The following ATP6V0D1 variants were observed in gnomAD, a reference collection of about 807,000 sequenced individuals.
ATP6V0D1 encodes the protein V-type proton ATPase subunit d 1.
Under a neutral mutation model 39.0 loss-of-function variants are expected in ATP6V0D1, and 13 were observed. The ratio of observed to expected loss-of-function variants is 0.33; its 90% CI spans 0.22 to 0.53. The LOEUF is 0.53. Among genes scored for constraint, ATP6V0D1 ranks in the 20% least tolerant of loss-of-function variants. The pLI is 0.94. For missense variants in ATP6V0D1, 272 were observed against 470.9 expected, an observed-to-expected ratio of 0.58 and a Z score of 3.91; for synonymous variants, 191 against 191.2, an observed-to-expected ratio of 1.00 and a Z score of 0.01.
At chr16:67,474,828 T>A (rs2041401975) in intron 1 of ATP6V0D1, among the ~76,000 whole-genome samples, 1 of 152,186 alleles carries the variant, frequency 6.6e-6, no homozygotes, top group Non-Finnish European at 1.5e-5. Flanking sequence ...TCTTCTCACT[T>A]CTACAACGTG....
chr16:67,459,362 G>T, intron 1 of ATP6V0D1: 1 of 709,118 alleles, frequency 1.4e-6, no homozygotes, highest in Non-Finnish European at 1.7e-6. Flanking sequence ...AAGGACCATT[G>T]CCCTGGCTCC....
rs746269332 is a variant in ATP6V0D1 at position 67,438,729 on chromosome 16, C to A, written c.895-40G>T. On this transcript the variant is annotated intron_variant, in intron 7 of 7. Transcript: ENST00000290949. The stretch of plus-strand genomic sequence containing the variant: ...AGATGTGGTGTCCAGGTGGCCATGG[C>A]CACAGAGTCAGGTCTAAACCACCAG... 1.9e-6 allele frequency: 3 copies of A among 1,614,054 alleles called. No homozygotes were observed. In the African/African-American group the frequency reaches 4.0e-5, roughly 22 times the overall value.
chr16:67,455,215 C>T (rs559158437), intron 1 of ATP6V0D1: 1 of 152,360 alleles, frequency 6.6e-6, no homozygotes, highest in East Asian at 1.9e-4. Flanking sequence ...ACGGCCTCCC[C>T]AGATGTCTTT....
chr16:67,460,314 A>C (rs1335214766), intron 1 of ATP6V0D1, among the ~76,000 whole-genome samples: 1 of 150,492 alleles, frequency 6.6e-6, no homozygotes, highest in African/African-American at 2.5e-5. Context: ...GGCCCAACAA[A>C]GCGAGAGCTG....
At chr16:67,443,687 T>C (rs2041081280) in intron 3 of ATP6V0D1, among the ~76,000 whole-genome samples, 1 of 152,140 alleles carries the variant, frequency 6.6e-6, no homozygotes, top group Non-Finnish European at 1.5e-5. Flanking sequence ...CAGAGCAGGA[T>C]AGAGCACCCC....
At chr16:67,457,642 C>G (rs1382937710) in intron 1 of ATP6V0D1, 5 of 1,289,260 alleles carry the variant, frequency 3.9e-6, no homozygotes, top group Non-Finnish European at 5.1e-6. Flanking sequence ...CCTTGTGGCA[C>G]CATCCATTCC....
intron 1 of ATP6V0D1, among the ~76,000 whole-genome samples, chr16:67,461,031 A>G (rs1221165119): frequency 6.6e-6 from 1 of 152,242 alleles, no homozygotes; most frequent in Admixed American, 6.5e-5. Context: ...CACTGCACAG[A>G]CACTGAGCAA....
intron 1 of ATP6V0D1, among the ~76,000 whole-genome samples, chr16:67,475,096 A>T (rs1220951275): frequency 6.6e-6 from 1 of 152,162 alleles, no homozygotes; most frequent in East Asian, 1.9e-4. Context: ...TCCACCTTCA[A>T]ATTGCAGGTA....
In ATP6V0D1 at chr16:67,457,677, G is replaced by A. The variant is rs117956360; in HGVS notation, c.131-3962C>T. 1.2e-4 allele frequency: 155 copies of A among 1,282,686 alleles called. No individual in the cohort carries two copies. The East Asian group carries it at 3.7e-3, about 31-fold the overall frequency. 79.5% of individuals were successfully genotyped at this position (1,282,686 alleles called of 1,614,324 possible). A position where few individuals can be genotyped will look rare whatever the true frequency, so the allele number is the denominator to read the frequency against. ...CTAGAGAAGCCAGGAATGTGTGCACGTGAATGAGGGGGCAAAGCCAAGCAG... is the reference window on the plus strand; with the variant it reads ...CTAGAGAAGCCAGGAATGTGTGCACATGAATGAGGGGGCAAAGCCAAGCAG... On this transcript the variant is annotated intron_variant, in intron 1 of 7. Transcript: ENST00000290949.
intron 1 of ATP6V0D1, among the ~76,000 whole-genome samples, chr16:67,477,489 G>A (rs1283256519): frequency 6.6e-6 from 1 of 152,144 alleles, no homozygotes. Flanking sequence ...GAAAGGGTAT[G>A]CTGTCTGGGA....
intron 1 of ATP6V0D1, among the ~76,000 whole-genome samples, chr16:67,464,259 G>A (rs1362809652): frequency 1.3e-5 from 2 of 152,196 alleles, no homozygotes; most frequent in African/African-American, 4.8e-5. Context: ...CCTGAGTTGG[G>A]GGCCAGTTCA....
chr16:67,439,536 G>C (rs765484565), intron 4 of ATP6V0D1, 185 bp from the exon 5 acceptor site: 11 of 621,664 alleles, frequency 1.8e-5, no homozygotes, highest in Non-Finnish European at 3.1e-5. Context: ...AATCAGCCAA[G>C]TGGCAGCTGC....
chr16:67,452,748 G>C (rs1345514600), intron 2 of ATP6V0D1, among the ~76,000 whole-genome samples: 1 of 152,190 alleles, frequency 6.6e-6, no homozygotes, highest in Non-Finnish European at 1.5e-5. Flanking sequence ...TCCCTGCAAA[G>C]GGACCCTCCC....
intron 1 of ATP6V0D1, among the ~76,000 whole-genome samples, chr16:67,471,106 A>G (rs1209147827): frequency 6.6e-6 from 1 of 152,216 alleles, no homozygotes; most frequent in African/African-American, 2.4e-5. Flanking sequence ...TATAGGATAC[A>G]TGTGATATTT....
chr16:67,474,599 T>G (rs1302427472), intron 1 of ATP6V0D1, among the ~76,000 whole-genome samples: 1 of 152,246 alleles, frequency 6.6e-6, no homozygotes, highest in African/African-American at 2.4e-5. Flanking sequence ...TTGGCCTTTT[T>G]GGCAGGACCA....
chr16:67,466,326 T>TACACACACACACACAC (rs536624557), intron 1 of ATP6V0D1, among the ~76,000 whole-genome samples: 3 of 120,582 alleles, frequency 2.5e-5, no homozygotes, highest in South Asian at 5.7e-4. Flanking sequence ...AGTAAACACA[T>TACACACACACACACAC]ACACACACAC....
chr16:67,449,611 C>T (rs2041155407), intron 2 of ATP6V0D1, among the ~76,000 whole-genome samples: 1 of 152,274 alleles, frequency 6.6e-6, no homozygotes, highest in Admixed American at 6.5e-5. Context: ...TGCCAGACAG[C>T]TGCCTCTTCT....
chr16:67,474,182 T>G (rs1473813456), intron 1 of ATP6V0D1, among the ~76,000 whole-genome samples: 1 of 152,172 alleles, frequency 6.6e-6, no homozygotes, highest in East Asian at 1.9e-4. Context: ...CTCCTAGGAG[T>G]GACAGCAGGG....
chr16:67,474,922 A>C (rs1470800158), intron 1 of ATP6V0D1, among the ~76,000 whole-genome samples: 2 of 152,136 alleles, frequency 1.3e-5, no homozygotes, highest in African/African-American at 4.8e-5. Context: ...ACCTTGACTT[A>C]TTCTTCCCCC....
Sources: allele counts gnomAD v4.1 joint callset (sites outside exome capture counted in the v4.1 genomes callset), GRCh38; gene constraint gnomAD v4.1.1; transcripts MANE v1.5; gene names NCBI Gene and HGNC (gene_info 2026-07-23, HGNC 2026-07-21).